Variants in GRIA1 observed in about 807,000 individuals in gnomAD.
GRIA1 encodes the protein glutamate ionotropic receptor AMPA type subunit 1, also known as glutamate receptor 1.
Under a neutral mutation model 99.2 loss-of-function variants are expected in GRIA1, and 31 were observed. That is an observed-to-expected ratio of 0.31 (90% CI 0.23 to 0.42). The LOEUF (loss-of-function observed/expected upper bound fraction) is 0.42. GRIA1 is among the 10% of genes least tolerant of loss of function. The pLI is 1.00. For synonymous variants in GRIA1, 438 were observed against 432.4 expected, an observed-to-expected ratio of 1.01 and a Z score of -0.16; for missense variants, 782 against 1,157.5, an observed-to-expected ratio of 0.68 and a Z score of 4.71.
chr5:153,588,869 A>C (rs1454492926), intron 2 of GRIA1, among the ~76,000 whole-genome samples: 1 of 152,172 alleles, frequency 6.6e-6, no homozygotes, highest in African/African-American at 2.4e-5. Flanking sequence ...CACCAGATCA[A>C]TATCTTCAGC....
intron 11 of GRIA1, among the ~76,000 whole-genome samples, chr5:153,724,009 C>T (rs933882051): frequency 2.0e-5 from 3 of 152,344 alleles, no homozygotes; most frequent in African/African-American, 7.2e-5. Flanking sequence ...TAGGGGCAGG[C>T]TGATACCTCA....
chr5:153,621,128 T>A (rs1293649283), intron 2 of GRIA1, among the ~76,000 whole-genome samples: 1 of 152,220 alleles, frequency 6.6e-6, no homozygotes, highest in Non-Finnish European at 1.5e-5. Flanking sequence ...GTAAATTGTA[T>A]TATATACTTG....
intron 14 of GRIA1, 76 bp from the exon 15 acceptor site, chr5:153,802,280 C>A: frequency 7.6e-7 from 1 of 1,314,986 alleles, no homozygotes; most frequent in South Asian, 1.2e-5. Flanking sequence ...AAATATGCTG[C>A]TGCTTGGATG....
intron 11 of GRIA1, among the ~76,000 whole-genome samples, chr5:153,716,881 A>G (rs2149534286): frequency 6.6e-6 from 1 of 152,310 alleles, no homozygotes; most frequent in African/African-American, 2.4e-5. Context: ...TATAGAAATG[A>G]TCGTGCAAAT....
chr5:153,616,606 A>C (rs1766530306), intron 2 of GRIA1, among the ~76,000 whole-genome samples: 1 of 152,222 alleles, frequency 6.6e-6, no homozygotes, highest in African/African-American at 2.4e-5. Flanking sequence ...TCTAGGATAC[A>C]ATTTTATTCT....
rs1320210407 is a variant in GRIA1, at chr5:153,698,161, A to G, written c.1245+7A>G. 2.1e-6 allele frequency: 3 copies of G among 1,430,366 alleles called. No homozygotes were observed. Among genetic ancestry groups the G allele is most frequent in the Non-Finnish European group, 3.0e-6 (3 of 1,013,886 alleles). 88.6% of individuals were successfully genotyped at this position (1,430,366 alleles called of 1,614,324 possible). A position where few individuals can be genotyped will look rare whatever the true frequency, so the allele number is the denominator to read the frequency against. On this transcript the variant is annotated splice_region_variant and intron_variant, in intron 9 of 15. Transcript: ENST00000285900. ...CATCGTCACAACAATCCTAGTGAGT[A>G]CTCAGTCCTTCATCAAGGTTACTTG...
intron 11 of GRIA1, among the ~76,000 whole-genome samples, chr5:153,718,568 A>G (rs1341014054): frequency 1.3e-5 from 2 of 152,192 alleles, no homozygotes; most frequent in African/African-American, 4.8e-5. Context: ...CTCAAATTTG[A>G]AAAAAGGTCC....
At chr5:153,720,592 T>C (rs1051402773) in intron 11 of GRIA1, among the ~76,000 whole-genome samples, 23 of 152,178 alleles carry the variant, frequency 1.5e-4, no homozygotes, top group Admixed American at 1.4e-3. Flanking sequence ...CCTTTGCATA[T>C]CCACCTGAGA....
intron 15 of GRIA1, among the ~76,000 whole-genome samples, chr5:153,804,732 A>AATTTATTTATTTATTT (rs201693712): frequency 1.3e-5 from 1 of 76,086 alleles, no homozygotes; most frequent in Non-Finnish European, 2.4e-5. Flanking sequence ...TTAATTAATT[A>AATTTATTTATTTATTT]ATTTATTTAT....
At chr5:153,682,557 C>T (rs1258444537) in intron 7 of GRIA1, among the ~76,000 whole-genome samples, 3 of 152,148 alleles carry the variant, frequency 2.0e-5, no homozygotes, top group African/African-American at 7.2e-5. Flanking sequence ...CCACCATCCC[C>T]CAGATTATGT....
intron 2 of GRIA1, among the ~76,000 whole-genome samples, chr5:153,522,400 G>A (rs1757228790): frequency 6.6e-6 from 1 of 152,198 alleles, no homozygotes; most frequent in Non-Finnish European, 1.5e-5. Flanking sequence ...ATGGTGGAGA[G>A]GGACATTGAA....
chr5:153,515,929 A>G (rs1756579769), intron 2 of GRIA1, among the ~76,000 whole-genome samples: 1 of 152,136 alleles, frequency 6.6e-6, no homozygotes, highest in Non-Finnish European at 1.5e-5. Flanking sequence ...ATAGAAGTCT[A>G]CCATATCTAG....
intron 11 of GRIA1, among the ~76,000 whole-genome samples, chr5:153,706,380 CT>C (rs1464811696): frequency 6.6e-6 from 1 of 152,204 alleles, no homozygotes; most frequent in African/African-American, 2.4e-5. Flanking sequence ...ACAACTAACA[CT>C]TATGGAGCAC....
rs184331988 is a variant in GRIA1, at chr5:153,739,232, T to A, written c.1824-25202T>A. Among the ~76,000 whole-genome samples the A allele has an allele frequency of 3.9e-5, 6 of 152,276 alleles. No homozygotes were observed. The East Asian group carries it at 1.2e-3, about 29-fold the overall frequency. ...CCACCAAGGATCTCATTGTATCACC[T>A]CTGCCATTCTTCCACTGGGGGAACC... On this transcript the variant is annotated intron_variant, in intron 11 of 15. Transcript: ENST00000285900.
intron 11 of GRIA1, among the ~76,000 whole-genome samples, chr5:153,741,934 T>A (rs57006482): frequency 0.53 from 77,280 of 144,860 alleles, 21,045 homozygotes; most frequent in East Asian, 0.93. Context: ...AAGCTTTTTT[T>A]AAAAAAAAAA....
chr5:153,759,390 C>A (rs556444084), intron 11 of GRIA1, among the ~76,000 whole-genome samples: 35 of 151,712 alleles, frequency 2.3e-4, no homozygotes, highest in African/African-American at 5.8e-4. Context: ...AAAATTGATA[C>A]CACAGAAATA....
At chr5:153,604,494 A>C (rs1765276245) in intron 2 of GRIA1, among the ~76,000 whole-genome samples, 1 of 152,220 alleles carries the variant, frequency 6.6e-6, no homozygotes, top group Non-Finnish European at 1.5e-5. Context: ...AGGCAAAACT[A>C]TATAGCACAC....
chr5:153,529,198 C>T (rs1003563100), intron 2 of GRIA1, among the ~76,000 whole-genome samples: 1 of 152,196 alleles, frequency 6.6e-6, no homozygotes, highest in Non-Finnish European at 1.5e-5. Context: ...GGGTGAGTTA[C>T]TGTCTTATAT....
At chr5:153,771,357 A>T (rs1763872004) in intron 13 of GRIA1, among the ~76,000 whole-genome samples, 1 of 152,218 alleles carries the variant, frequency 6.6e-6, no homozygotes, top group South Asian at 2.1e-4. Context: ...TTGCAAAATG[A>T]TGGAGAGGGA....
Sources: allele counts gnomAD v4.1 joint callset (sites outside exome capture counted in the v4.1 genomes callset), GRCh38; gene constraint gnomAD v4.1.1; transcripts MANE v1.5; gene names NCBI Gene and HGNC (gene_info 2026-07-23, HGNC 2026-07-21).